Variants in PALS2 observed in about 807,000 individuals in gnomAD.
PALS2 encodes the protein protein associated with LIN7 2, MAGUK p55 family member, also known as protein PALS2.
PALS2 carries 27 observed loss-of-function variants against 61.6 expected under a neutral mutation model. The ratio of observed to expected loss-of-function variants is 0.44; its 90% CI spans 0.32 to 0.60. The LOEUF (loss-of-function observed/expected upper bound fraction) is 0.60. PALS2 is among the 20% of genes least tolerant of loss of function. PALS2 has a pLI of 0.05. For synonymous variants in PALS2, 236 were observed against 218.6 expected, an observed-to-expected ratio of 1.08 and a Z score of -0.70; for missense variants, 554 against 639.4, an observed-to-expected ratio of 0.87 and a Z score of 1.44.
chr7:24,595,931 C>T (rs1442938331), intron 1 of PALS2, among the ~76,000 whole-genome samples: 2 of 151,622 alleles, frequency 1.3e-5, no homozygotes, highest in East Asian at 3.9e-4. Context: ...GGGAGATGAA[C>T]TGGTCTAGTT....
At chr7:24,605,477 T>G (rs539368162) in intron 1 of PALS2, among the ~76,000 whole-genome samples, 1 of 152,322 alleles carries the variant, frequency 6.6e-6, no homozygotes, top group Admixed American at 6.5e-5. Flanking sequence ...AAGATATTAC[T>G]TATATAAATA....
At chr7:24,597,720 A>G (rs921541984) in intron 1 of PALS2, among the ~76,000 whole-genome samples, 3 of 152,200 alleles carry the variant, frequency 2.0e-5, no homozygotes, top group Non-Finnish European at 4.4e-5. Flanking sequence ...CTCCTGAGAT[A>G]CAAGGAATAA....
At chr7:24,579,101 C>T (rs980922773) in intron 1 of PALS2, among the ~76,000 whole-genome samples, 1 of 152,150 alleles carries the variant, frequency 6.6e-6, no homozygotes, top group South Asian at 2.1e-4. Context: ...AAAGACCAAC[C>T]ATCAAGTGGG....
chr7:24,631,458 A>G (rs1160739445), intron 2 of PALS2, among the ~76,000 whole-genome samples: 1 of 152,246 alleles, frequency 6.6e-6, no homozygotes. Flanking sequence ...TGGTCTCTTC[A>G]GATTGAATCT....
At chr7:24,650,948 G>A (rs548212787) in intron 5 of PALS2, among the ~76,000 whole-genome samples, 154 of 152,270 alleles carry the variant, frequency 1.0e-3, no homozygotes, top group African/African-American at 3.5e-3. Context: ...TGGCATAATA[G>A]TAACCTACAG....
At chr7:24,636,125 T>G (rs1235269893) in intron 2 of PALS2, among the ~76,000 whole-genome samples, 2 of 149,638 alleles carry the variant, frequency 1.3e-5, no homozygotes, top group Non-Finnish European at 2.9e-5. Context: ...GGCAGGAGAA[T>G]CGCTTGAACC....
chr7:24,600,953 T>C (rs1284723787), intron 1 of PALS2, among the ~76,000 whole-genome samples: 1 of 152,180 alleles, frequency 6.6e-6, no homozygotes, highest in African/African-American at 2.4e-5. Flanking sequence ...TTATTTTTTA[T>C]TAAAACTATT....
intron 1 of PALS2, among the ~76,000 whole-genome samples, chr7:24,611,811 G>C (rs1784122499): frequency 6.6e-6 from 1 of 151,768 alleles, no homozygotes; most frequent in Non-Finnish European, 1.5e-5. Flanking sequence ...GGGTAATACT[G>C]GTATGTTTAA....
At chr7:24,670,203 C>G (rs1487102830) in intron 9 of PALS2, among the ~76,000 whole-genome samples, 1 of 152,116 alleles carries the variant, frequency 6.6e-6, no homozygotes, top group East Asian at 1.9e-4. Context: ...CTTGAACAGC[C>G]CTTTCCCCTT....
At chr7:24,665,822 T>TA in intron 7 of PALS2, 135 bp downstream of exon 7, 2 of 974,422 alleles carry the variant, frequency 2.1e-6, no homozygotes, top group Non-Finnish European at 3.0e-6. Context: ...CTCTCGCTCA[T>TA]AAGTAATCTT....
chr7:24,633,879 A>C (rs1370074956), intron 2 of PALS2, among the ~76,000 whole-genome samples: 1 of 152,152 alleles, frequency 6.6e-6, no homozygotes, highest in Admixed American at 6.5e-5. Flanking sequence ...ATCATCTTCA[A>C]CACTTGTTAT....
At chr7:24,672,196 CTGTT>C (rs1330081303) in intron 9 of PALS2, among the ~76,000 whole-genome samples, 2 of 145,084 alleles carry the variant, frequency 1.4e-5, no homozygotes, top group Non-Finnish European at 3.0e-5. Context: ...CTACTGCCAT[CTGTT>C]TTGTTTTGTT....
chr7:24,595,024 A>G (rs1404894740), intron 1 of PALS2, among the ~76,000 whole-genome samples: 1 of 152,136 alleles, frequency 6.6e-6, no homozygotes, highest in African/African-American at 2.4e-5. Context: ...GAAGCACAAT[A>G]AAATGAAGTG....
intron 5 of PALS2, among the ~76,000 whole-genome samples, chr7:24,658,114 C>G (rs1165270358): frequency 6.6e-6 from 1 of 152,068 alleles, no homozygotes; most frequent in Non-Finnish European, 1.5e-5. Flanking sequence ...TTTATTTCAG[C>G]CTTTTTTCTC....
rs115840531 is a variant in PALS2, at chr7:24,594,791, A to G, written c.-3+21198A>G. Among the ~76,000 whole-genome samples the G allele has an allele frequency of 3.2e-3, 480 of 152,176 alleles. 1 individual carries two copies. Among genetic ancestry groups the G allele is most frequent in the African/African-American group, 0.01 (427 of 41,526 alleles). On this transcript the variant is annotated intron_variant, in intron 1 of 11. Coordinates refer to ENST00000222644, the MANE Select transcript of PALS2 (RefSeq NM_001303037.2). ...CATACATTATATGTATCGAAATACTACCCCATGAATGTGTGTATTTATTGT... is the reference window on the plus strand; with the variant it reads ...CATACATTATATGTATCGAAATACTGCCCCATGAATGTGTGTATTTATTGT...
chr7:24,605,901 A>G (rs1783882384), intron 1 of PALS2, among the ~76,000 whole-genome samples: 1 of 152,180 alleles, frequency 6.6e-6, no homozygotes, highest in African/African-American at 2.4e-5. Flanking sequence ...AAACCATTTG[A>G]TGAAATAAAA....
At chr7:24,647,499 T>A (rs1343214054) in intron 3 of PALS2, among the ~76,000 whole-genome samples, 1 of 152,194 alleles carries the variant, frequency 6.6e-6, no homozygotes, top group Non-Finnish European at 1.5e-5. Context: ...TTTCTTCAGC[T>A]CAGCTCTAAT....
chr7:24,649,695 C>T lies in PALS2; in HGVS notation c.354C>T (p.Ile118=). 3 of 1,611,776 alleles carry T rather than the reference C, an allele frequency of 1.9e-6. No homozygotes were observed. The highest frequency in any genetic ancestry group is 2.2e-5 in the South Asian group (2 of 90,646). The change falls in exon 4 of 12, where the codon ATC becomes ATT. Residue 118 remains isoleucine (I), a synonymous_variant. Coordinates refer to ENST00000222644, the MANE Select transcript of PALS2 (RefSeq NM_001303037.2). ...PSSPEMNNSS[I]NNQLLPVDAI... is the part of the protein sequence containing the mutation. ...GCCCAGAAATGAATAATTCTTCTAT[C>T]AATAATCAGTTATTACCAGTAGATG...
intron 3 of PALS2, 28 bp downstream of exon 3, chr7:24,641,896 A>G: frequency 6.3e-7 from 1 of 1,599,316 alleles, no homozygotes; most frequent in Non-Finnish European, 8.5e-7. Context: ...TCAACTCTCA[A>G]GTTCCCTGTA....
Sources: gnomAD v4.1 joint callset for allele counts (sites outside exome capture counted in the v4.1 genomes callset) on GRCh38, gnomAD v4.1.1 for gene constraint, MANE v1.5 for transcripts, NCBI Gene and HGNC (gene_info 2026-07-23, HGNC 2026-07-21) for gene names.